GRB2: variants seen among roughly 807,000 people sequenced by gnomAD.
GRB2 encodes the protein growth factor receptor bound protein 2, also known as growth factor receptor-bound protein 2.
In GRB2, 2 loss-of-function variants were observed where a neutral mutation model predicts 27.4. The observed-to-expected ratio is 0.07, with a 90% confidence interval of 0.03 to 0.23. The LOEUF (loss-of-function observed/expected upper bound fraction) is 0.23, where lower values mean the gene tolerates loss of function less well. GRB2 is among the 10% of genes least tolerant of loss of function. The pLI, the probability that GRB2 is intolerant of heterozygous loss-of-function variation, is 1.00. For missense variants in GRB2, 102 were observed against 282.4 expected (o/e 0.36, Z 4.58); for synonymous variants, 94 against 99.6 (o/e 0.94, Z 0.33).
At chr17:75,381,968 T>C (rs1035226304) in intron 2 of GRB2, among the ~76,000 whole-genome samples, 1 of 151,942 alleles carries the variant, frequency 6.6e-6, no homozygotes, top group African/African-American at 2.4e-5. Context: ...TGGGTTCCTG[T>C]AATCCCAGCA....
chr17:75,347,408 C>T (rs942922511), intron 2 of GRB2, among the ~76,000 whole-genome samples: 5 of 152,160 alleles, frequency 3.3e-5, no homozygotes, highest in Non-Finnish European at 7.3e-5. Flanking sequence ...TTCTACACTG[C>T]CATGCCCATC....
chr17:75,333,081 G>GT (rs57838948), intron 2 of GRB2, among the ~76,000 whole-genome samples: 27,177 of 146,468 alleles, frequency 0.19, 2,975 homozygotes, highest in African/African-American at 0.32. Context: ...AGTATTAGTT[G>GT]TTTTTTTTTT....
At chr17:75,392,552 T>C (rs2079004880) in intron 2 of GRB2, among the ~76,000 whole-genome samples, 1 of 152,206 alleles carries the variant, frequency 6.6e-6, no homozygotes, top group African/African-American at 2.4e-5. Context: ...CTCCACTTGC[T>C]TTCTCTTCAT....
chr17:75,354,125 T>C (rs1408637123), intron 2 of GRB2, among the ~76,000 whole-genome samples: 1 of 152,222 alleles, frequency 6.6e-6, no homozygotes, highest in African/African-American at 2.4e-5. Context: ...TCTATGTTTA[T>C]ACTTGAAGGC....
At chr17:75,339,764 T>C (rs1461974055) in intron 2 of GRB2, among the ~76,000 whole-genome samples, 1 of 152,002 alleles carries the variant, frequency 6.6e-6, no homozygotes, top group East Asian at 1.9e-4. Flanking sequence ...GTAGCTGGGA[T>C]TACAGGCGTC....
chr17:75,338,788 A>C, intron 2 of GRB2: 2 of 689,396 alleles, frequency 2.9e-6, no homozygotes, highest in Non-Finnish European at 5.3e-6. Context: ...AAGAATTAAA[A>C]ATATACAAGT....
At chr17:75,327,993 G>A (rs536385085) in intron 3 of GRB2, among the ~76,000 whole-genome samples, 1 of 146,088 alleles carries the variant, frequency 6.8e-6, no homozygotes, top group Non-Finnish European at 1.5e-5. Flanking sequence ...CCACACAAGA[G>A]AAATCACATA....
chr17:75,402,475 A>C (rs1442374530), intron 1 of GRB2, among the ~76,000 whole-genome samples: 2 of 152,218 alleles, frequency 1.3e-5, no homozygotes, highest in African/African-American at 4.8e-5. Context: ...GACTTTGTGT[A>C]TACACAGAAA....
In GRB2 at chr17:75,324,533, TTTG is replaced by T. The variant is rs1261835066; in HGVS notation, c.299+1362_299+1364del. ...TTTTTTTTTTTTTTTTTTTTTTTTT[TTTG>T]GAGACAGAGTTTTGCTCTTCGCCCA... On this transcript the variant is annotated intron_variant, in intron 4 of 5. Coordinates refer to ENST00000316804, the MANE Select transcript of GRB2 (RefSeq NM_002086.5). Among the ~76,000 whole-genome samples, 44 of 103,144 alleles carry T rather than the reference TTTG, an allele frequency of 4.3e-4. 8 individuals carry two copies. In the South Asian group the frequency reaches 0.01, roughly 24 times the overall value. The allele number at this position is 103,144 out of a possible 152,430, so 67.7% of individuals were successfully genotyped here. A position where few individuals can be genotyped will look rare whatever the true frequency, so the allele number is the denominator to read the frequency against.
chr17:75,405,530 A>G lies in GRB2; in HGVS notation c.-179T>C, dbSNP rs1262207694. On this transcript the variant is annotated 5_prime_UTR_variant, in exon 1 of 6. Coordinates refer to ENST00000316804, the MANE Select transcript of GRB2 (RefSeq NM_002086.5). Reference sequence around the variant, plus strand: ...CGCTCAGCGTCCGGCCCGCCCCTCCACAACGCTGCGAGCGGCCGGCGACCC... The same window carrying G: ...CGCTCAGCGTCCGGCCCGCCCCTCCGCAACGCTGCGAGCGGCCGGCGACCC... The G allele has an allele frequency of 6.5e-6, 1 of 154,240 alleles. No homozygotes were observed. The highest frequency in any genetic ancestry group is 1.5e-5 in the Non-Finnish European group (1 of 68,754). 9.6% of individuals were successfully genotyped at this position (154,240 alleles called of 1,614,324 possible).
chr17:75,393,475 T>C, intron 2 of GRB2, 76 bp downstream of exon 2: 1 of 1,094,036 alleles, frequency 9.1e-7, no homozygotes, highest in Non-Finnish European at 1.4e-6. Flanking sequence ...AGCTTCTTTG[T>C]GTGTAATCAG....
intron 2 of GRB2, among the ~76,000 whole-genome samples, chr17:75,387,162 C>T (rs2078969440): frequency 6.7e-6 from 1 of 149,530 alleles, no homozygotes; most frequent in Admixed American, 6.7e-5. Flanking sequence ...GAGACTCCAT[C>T]TCAAAAAAAA....
At chr17:75,322,366 C>G (rs535325286) in intron 4 of GRB2, among the ~76,000 whole-genome samples, 1 of 138,472 alleles carries the variant, frequency 7.2e-6, no homozygotes, top group African/African-American at 2.6e-5. Flanking sequence ...GAGTGAAACT[C>G]TGTCTCAAAA....
intron 4 of GRB2, among the ~76,000 whole-genome samples, chr17:75,324,012 A>AT (rs1439935387): frequency 6.6e-6 from 1 of 151,398 alleles, no homozygotes; most frequent in Non-Finnish European, 1.5e-5. Flanking sequence ...GTGTTTCACC[A>AT]TATTGGTCAG....
chr17:75,320,384 A>G lies in GRB2; in HGVS notation c.638T>C (p.Val213Ala). The change falls in exon 6 of 6, where the codon GTG (valine) becomes GCG (alanine). Residue 213 changes from valine (V) to alanine (A), a missense_variant. Physicochemically the swap from Val to Ala is moderately conservative, Grantham distance 64. Transcript: ENST00000316804. The surrounding 1 kb of genome is among the most constrained non-coding windows in gnomAD (Gnocchi z 4.3). Reference sequence around the variant, plus strand: ...TCTTGACTCTTAGACGTTCCGGTTCACGGGGGTGACATAATTGCGGGGAAA... The same window carrying G: ...TCTTGACTCTTAGACGTTCCGGTTCGCGGGGGTGACATAATTGCGGGGAAA... ...GMFPRNYVTP[V>A]NRNV The G allele has an allele frequency of 6.2e-7, 1 of 1,614,014 alleles. No individual in the cohort carries two copies. Among genetic ancestry groups the G allele is most frequent in the Non-Finnish European group, 8.5e-7 (1 of 1,179,896 alleles).
chr17:75,389,353 C>A (rs2078984309), intron 2 of GRB2, among the ~76,000 whole-genome samples: 1 of 152,142 alleles, frequency 6.6e-6, no homozygotes, highest in Admixed American at 6.6e-5. Context: ...CTGATGTCAG[C>A]GCTTGCCAGT....
Position 75,376,331 on chromosome 17 carries a change from A to G in GRB2, c.78+17220T>C, listed in dbSNP as rs542881795. 1.2e-3 allele frequency among the ~76,000 whole-genome samples: 151 copies of G among 128,426 alleles called. 2 individuals carry two copies. Among genetic ancestry groups the G allele is most frequent in the Non-Finnish European group, 9.0e-4 (55 of 60,810 alleles). The allele number at this position is 128,426 out of a possible 152,430, so 84.3% of individuals were successfully genotyped here. A position where few individuals can be genotyped will look rare whatever the true frequency, so the allele number is the denominator to read the frequency against. ...CTGCACTCCAGCCTGGGTGACAGAC[A>G]GAGACTCTGTCTCAAAAAAAAAAAA... On this transcript the variant is annotated intron_variant, in intron 2 of 5. Coordinates refer to ENST00000316804, the MANE Select transcript of GRB2 (RefSeq NM_002086.5).
At chr17:75,379,609 A>G (rs1441489858) in intron 2 of GRB2, among the ~76,000 whole-genome samples, 1 of 152,042 alleles carries the variant, frequency 6.6e-6, no homozygotes, top group Non-Finnish European at 1.5e-5. Flanking sequence ...TATGTTGCCC[A>G]GGCTGGTCTT....
rs1044574046 is a variant in GRB2, at chr17:75,374,188, C to T, written c.78+19363G>A. On this transcript the variant is annotated intron_variant, in intron 2 of 5. Transcript: ENST00000316804. The stretch of plus-strand genomic sequence containing the variant: ...TGGGAGGCCGAGGCAGGCGGATCAT[C>T]TGAGGTCAGGAGTTTGAGACCAGCC... Among the ~76,000 whole-genome samples, 5 of 151,484 alleles carry T rather than the reference C, an allele frequency of 3.3e-5. No individual in the cohort carries two copies. The East Asian group carries it at 9.9e-4, about 30-fold the overall frequency.
Sources: allele counts gnomAD v4.1 joint callset (sites outside exome capture counted in the v4.1 genomes callset), GRCh38; gene constraint gnomAD v4.1.1; non-coding constraint Gnocchi (gnomAD v3.1); transcripts MANE v1.5; gene names NCBI Gene and HGNC (gene_info 2026-07-23, HGNC 2026-07-21).